The following PCDHA11 variants were observed in gnomAD, a reference collection of about 807,000 sequenced individuals.
PCDHA11 encodes the protein protocadherin alpha-11.
In PCDHA11, 61 loss-of-function variants were observed where a neutral mutation model predicts 70.3. The ratio of observed to expected loss-of-function variants is 0.87; its 90% CI spans 0.71 to 1.07. The LOEUF (loss-of-function observed/expected upper bound fraction) is 1.07. Among genes scored for constraint, PCDHA11 ranks in the 50% least tolerant of loss-of-function variants. PCDHA11 has a pLI of 0.00. For synonymous variants in PCDHA11, 633 were observed against 555.1 expected (o/e 1.14, Z -1.97); for missense variants, 1,324 against 1,237.5 (o/e 1.07, Z -1.05).
intron 1 of PCDHA11, chr5:140,877,122 G>C: frequency 2.5e-6 from 4 of 1,613,718 alleles, no homozygotes; most frequent in Non-Finnish European, 3.4e-6. Context: ...GCAACGTGAC[G>C]CTGCAGGTGT....
chr5:140,886,827 GA>G (rs782016620), intron 1 of PCDHA11, among the ~76,000 whole-genome samples: 1,709 of 60,916 alleles, frequency 0.028, 12 homozygotes, highest in African/African-American at 0.032. Flanking sequence ...ACTTCGTCTT[GA>G]AAAAAAAAAA....
chr5:140,883,881 G>A (rs782379771), intron 1 of PCDHA11: 13 of 1,613,320 alleles, frequency 8.1e-6, no homozygotes, highest in Non-Finnish European at 1.1e-5. Flanking sequence ...GTGAGCGCGC[G>A]CGACTCTGGC....
intron 1 of PCDHA11, chr5:140,882,591 T>C (rs781883775): frequency 1.2e-6 from 2 of 1,614,116 alleles, no homozygotes; most frequent in South Asian, 2.2e-5. Flanking sequence ...CACCTGGAGG[T>C]GATCGTGGAC....
At chr5:141,000,421 A>ATATTTTTTTTTTT (rs1265241806) in intron 3 of PCDHA11, among the ~76,000 whole-genome samples, 1 of 27,968 alleles carries the variant, frequency 3.6e-5, no homozygotes, top group African/African-American at 1.8e-4. Flanking sequence ...ATATATATAT[A>ATATTTTTTTTTTT]TTTTTTTTTT....
intron 1 of PCDHA11, among the ~76,000 whole-genome samples, chr5:140,878,642 A>T (rs868995118): frequency 6.6e-6 from 1 of 152,216 alleles, no homozygotes; most frequent in East Asian, 1.9e-4. Context: ...TTCTATTTCT[A>T]CAAAAATATC....
Position 140,941,473 on chromosome 5 carries a change from G to A in PCDHA11, c.2392-37476G>A, listed in dbSNP as rs192163900. Among the ~76,000 whole-genome samples, 149 of 151,018 alleles carry A rather than the reference G, an allele frequency of 9.9e-4. 1 individual carries two copies. Among genetic ancestry groups the A allele is most frequent in the African/African-American group, 3.5e-3 (143 of 41,138 alleles). Reference sequence around the variant, plus strand: ...TGGGATTACAGGCGCCCACCACCACGCCTGGCTAATTTTTTGTATTTTTAG... The same window carrying A: ...TGGGATTACAGGCGCCCACCACCACACCTGGCTAATTTTTTGTATTTTTAG... On this transcript the variant is annotated intron_variant, in intron 1 of 3. Coordinates refer to ENST00000398640, the MANE Select transcript of PCDHA11 (RefSeq NM_018902.5).
At chr5:140,969,439 T>C (rs1554231802) in intron 1 of PCDHA11, 2 of 1,546,634 alleles carry the variant, frequency 1.3e-6, no homozygotes, top group Admixed American at 3.9e-5. Context: ...AAGAGTTATC[T>C]GGTAAACTGA....
At chr5:141,007,527 C>T (rs1184006315) in intron 3 of PCDHA11, among the ~76,000 whole-genome samples, 1 of 152,070 alleles carries the variant, frequency 6.6e-6, no homozygotes, top group Non-Finnish European at 1.5e-5. Flanking sequence ...GATATCTCGC[C>T]ACTGCACTCC....
rs781875497 is a variant in PCDHA11 at position 140,995,949 on chromosome 5, G to A, written c.2539+13386G>A. Among the ~76,000 whole-genome samples, 8 of 152,160 alleles carry A rather than the reference G, an allele frequency of 5.3e-5. No homozygotes were observed. In the East Asian group the frequency reaches 7.7e-4, roughly 15 times the overall value. ...GTAAGTATTAAATGACATAATGCACGCAAAATGCTTAGAACCATGCTTAGT... is the reference window on the plus strand; with the variant it reads ...GTAAGTATTAAATGACATAATGCACACAAAATGCTTAGAACCATGCTTAGT... On this transcript the variant is annotated intron_variant, in intron 3 of 3. Transcript: ENST00000398640.
At chr5:140,901,022 A>G (rs2068415143) in intron 1 of PCDHA11, among the ~76,000 whole-genome samples, 1 of 152,166 alleles carries the variant, frequency 6.6e-6, no homozygotes, top group Non-Finnish European at 1.5e-5. Flanking sequence ...AGAAACATCT[A>G]TTCAACTCTT....
At chr5:141,009,568 G>A in intron 3 of PCDHA11, 59 bp from the exon 4 acceptor site, 4 of 1,577,106 alleles carry the variant, frequency 2.5e-6, no homozygotes, top group Non-Finnish European at 3.4e-6. Context: ...TCTACCAGCA[G>A]TGTGGCATCA....
chr5:140,884,241 C>G lies in PCDHA11; in HGVS notation c.2391+12747C>G, dbSNP rs782355331. 3.7e-6 allele frequency: 6 copies of G among 1,613,408 alleles called. No homozygotes were observed. The South Asian group carries it at 4.4e-5, about 12-fold the overall frequency. ...CTGGTGAAGGACCACGGTGAGCCCG[C>G]GCTGACGGCCACGGCAACGGTGCTG... On this transcript the variant is annotated intron_variant, in intron 1 of 3. Coordinates refer to ENST00000398640, the MANE Select transcript of PCDHA11 (RefSeq NM_018902.5).
chr5:140,950,526 T>C (rs190195358), intron 1 of PCDHA11, among the ~76,000 whole-genome samples: 17 of 152,212 alleles, frequency 1.1e-4, no homozygotes, highest in Admixed American at 9.2e-4. Flanking sequence ...GATATGATTG[T>C]TTTTGTTGCT....
intron 1 of PCDHA11, among the ~76,000 whole-genome samples, chr5:140,947,497 T>A (rs1289449406): frequency 6.6e-6 from 1 of 151,724 alleles, no homozygotes; most frequent in Non-Finnish European, 1.5e-5. Flanking sequence ...ATAGGTCATT[T>A]AAATTTTCAT....
intron 1 of PCDHA11, among the ~76,000 whole-genome samples, chr5:140,935,942 G>A (rs2090659965): frequency 6.8e-6 from 1 of 147,088 alleles, no homozygotes; most frequent in Non-Finnish European, 1.5e-5. Flanking sequence ...GCCCAGGCTG[G>A]AGTAAAGTGG....
chr5:140,995,383 G>A (rs909887279), intron 3 of PCDHA11, among the ~76,000 whole-genome samples: 2 of 152,158 alleles, frequency 1.3e-5, no homozygotes, highest in African/African-American at 4.8e-5. Flanking sequence ...TACTGGGCAG[G>A]ATAAAGCGGG....
intron 1 of PCDHA11, among the ~76,000 whole-genome samples, chr5:140,977,323 G>A (rs542392962): frequency 1.3e-5 from 2 of 152,324 alleles, no homozygotes; most frequent in Non-Finnish European, 1.5e-5. Context: ...GCTCCTGATG[G>A]CGAGGGGAGA....
intron 3 of PCDHA11, among the ~76,000 whole-genome samples, chr5:140,987,383 G>A (rs2097252098): frequency 6.6e-6 from 1 of 152,138 alleles, no homozygotes; most frequent in Admixed American, 6.5e-5. Flanking sequence ...GGGTCAGAAT[G>A]CATGCAAGGA....
intron 1 of PCDHA11, among the ~76,000 whole-genome samples, chr5:140,952,338 CA>C (rs55931446): frequency 8.7e-4 from 117 of 135,030 alleles, no homozygotes; most frequent in South Asian, 1.2e-3. Flanking sequence ...AACTCCATCT[CA>C]AAAAAAAAAA....
Sources: allele counts gnomAD v4.1 joint callset (sites outside exome capture counted in the v4.1 genomes callset), GRCh38; gene constraint gnomAD v4.1.1; transcripts MANE v1.5; gene names NCBI Gene and HGNC (gene_info 2026-07-23, HGNC 2026-07-21).